The following MEGF9 variants were observed in gnomAD, a reference collection of about 807,000 sequenced individuals.
MEGF9 encodes multiple EGF like domains 9.
A neutral mutation model predicts 46.8 loss-of-function variants in MEGF9; 6 were observed. That is an observed-to-expected ratio of 0.13 (90% CI 0.07 to 0.25). The LOEUF (loss-of-function observed/expected upper bound fraction) is 0.25. Ranked by LOEUF, MEGF9 falls within the 10% of genes least tolerant of loss-of-function variation. MEGF9 has a pLI of 1.00. For missense variants in MEGF9, 683 were observed against 792.4 expected (o/e 0.86, Z 1.66); for synonymous variants, 302 against 330.7 (o/e 0.91, Z 0.94).
chr9:120,685,783 C>T (rs2043819590), intron 1 of MEGF9, among the ~76,000 whole-genome samples: 1 of 152,154 alleles, frequency 6.6e-6, no homozygotes. Flanking sequence ...ACATTCATAG[C>T]AGCACTATTC....
intron 1 of MEGF9, among the ~76,000 whole-genome samples, chr9:120,673,453 T>C (rs956745765): frequency 5.9e-5 from 9 of 152,094 alleles, no homozygotes; most frequent in African/African-American, 1.9e-4. Flanking sequence ...CATGGTGTTA[T>C]TGGTAAAAAG....
At chr9:120,682,490 C>T (rs963869114) in intron 1 of MEGF9, among the ~76,000 whole-genome samples, 1 of 152,086 alleles carries the variant, frequency 6.6e-6, no homozygotes, top group African/African-American at 2.4e-5. Flanking sequence ...AGTGGTATAA[C>T]CTAGGAACTA....
chr9:120,677,203 A>T (rs973794067), intron 1 of MEGF9, among the ~76,000 whole-genome samples: 1 of 151,964 alleles, frequency 6.6e-6, no homozygotes, highest in Non-Finnish European at 1.5e-5. Context: ...ATCACAGCTC[A>T]CCGCAGCCTC....
At chr9:120,649,157 ATTG>A (rs1221665887) in intron 2 of MEGF9, among the ~76,000 whole-genome samples, 1 of 152,184 alleles carries the variant, frequency 6.6e-6, no homozygotes, top group African/African-American at 2.4e-5. Flanking sequence ...TTCATTTTTT[ATTG>A]TTGTACTGTT....
chr9:120,662,218 G>C (rs1023558304), intron 1 of MEGF9, among the ~76,000 whole-genome samples: 1 of 152,058 alleles, frequency 6.6e-6, no homozygotes, highest in African/African-American at 2.4e-5. Flanking sequence ...AAGTTCACTG[G>C]TTATTTATTA....
At chr9:120,638,460 G>A (rs2043588535) in intron 2 of MEGF9, among the ~76,000 whole-genome samples, 1 of 152,146 alleles carries the variant, frequency 6.6e-6, no homozygotes, top group Non-Finnish European at 1.5e-5. Context: ...TTACTGACAG[G>A]GTTGAAGCCT....
At chr9:120,679,664 G>A (rs1218452300) in intron 1 of MEGF9, among the ~76,000 whole-genome samples, 3 of 152,050 alleles carry the variant, frequency 2.0e-5, no homozygotes, top group Admixed American at 6.6e-5. Flanking sequence ...TCTGGCCAGC[G>A]CAGTGGCTCA....
intron 2 of MEGF9, among the ~76,000 whole-genome samples, chr9:120,631,485 G>A (rs1231917172): frequency 1.9e-5 from 2 of 103,280 alleles, no homozygotes; most frequent in Non-Finnish European, 4.1e-5. Context: ...GAATTTGATT[G>A]CATTTTTTTT....
At chr9:120,621,184 A>T (rs758070814) in intron 3 of MEGF9, among the ~76,000 whole-genome samples, 7 of 152,212 alleles carry the variant, frequency 4.6e-5, no homozygotes, top group Non-Finnish European at 1.0e-4. Flanking sequence ...GGTTTGCTGA[A>T]CTTTCTGAAT....
At chr9:120,689,294 A>G (rs1038339449) in intron 1 of MEGF9, among the ~76,000 whole-genome samples, 13 of 152,204 alleles carry the variant, frequency 8.5e-5, no homozygotes, top group African/African-American at 2.9e-4. Flanking sequence ...CATGTGTAAC[A>G]ACATCAAGGC....
At position 120,604,986 on chromosome 9, in the gene MEGF9, A is replaced by C; in HGVS notation, c.*204T>G. 1.7e-6 allele frequency: 1 copy of C among 594,146 alleles called. No individual in the cohort carries two copies. The allele number at this position is 594,146 out of a possible 1,614,324, so 36.8% of individuals were successfully genotyped here. On this transcript the variant is annotated 3_prime_UTR_variant, in exon 6 of 6. Coordinates refer to ENST00000373930, the MANE Select transcript of MEGF9 (RefSeq NM_001080497.3). ...AAAAATATACTTTACTTCAAGTCCT[A>C]ATGACAGTGAACGCTTCAGATCTTC...
intron 3 of MEGF9, among the ~76,000 whole-genome samples, chr9:120,617,689 G>C (rs1273418516): frequency 6.6e-6 from 1 of 152,232 alleles, no homozygotes; most frequent in Non-Finnish European, 1.5e-5. Context: ...ACTAACTGTG[G>C]TGGGGTGGGG....
intron 1 of MEGF9, among the ~76,000 whole-genome samples, chr9:120,673,193 C>T (rs1445015659): frequency 6.6e-6 from 1 of 151,838 alleles, no homozygotes; most frequent in Non-Finnish European, 1.5e-5. Context: ...GACCTTTATG[C>T]TAAAAACTAC....
At chr9:120,681,639 T>A (rs2043799154) in intron 1 of MEGF9, among the ~76,000 whole-genome samples, 1 of 152,096 alleles carries the variant, frequency 6.6e-6, no homozygotes, top group Non-Finnish European at 1.5e-5. Context: ...AATACTAAAA[T>A]AATTAACCAA....
chr9:120,610,954 A>C (rs1231293301), intron 4 of MEGF9, among the ~76,000 whole-genome samples: 1 of 152,186 alleles, frequency 6.6e-6, no homozygotes, highest in Non-Finnish European at 1.5e-5. Flanking sequence ...TGTGCAAAGG[A>C]TCTGAACAGA....
At position 120,602,860 on chromosome 9, in the gene MEGF9, C is replaced by T. The variant is rs778671517; in HGVS notation, c.*2330G>A. The T allele has an allele frequency of 3.3e-5, 5 of 152,098 alleles. No homozygotes were observed. The highest frequency in any genetic ancestry group is 5.9e-5 in the Non-Finnish European group (4 of 68,024). 9.4% of individuals were successfully genotyped at this position (152,098 alleles called of 1,614,324 possible). On this transcript the variant is annotated 3_prime_UTR_variant, in exon 6 of 6. Coordinates refer to ENST00000373930, the MANE Select transcript of MEGF9 (RefSeq NM_001080497.3). ...TCTGTACACACATATGCAGCAACTG[C>T]TAGGGAAAGCAAATTTTCCCTTCCT...
intron 4 of MEGF9, among the ~76,000 whole-genome samples, chr9:120,611,799 G>GGAAA (rs142409519): frequency 1.5e-5 from 2 of 135,066 alleles, no homozygotes; most frequent in Non-Finnish European, 3.2e-5. Flanking sequence ...AGAAAAGAAA[G>GGAAA]GAAAGAAAGA....
At chr9:120,696,993 A>C (rs1205318457) in intron 1 of MEGF9, among the ~76,000 whole-genome samples, 1 of 152,260 alleles carries the variant, frequency 6.6e-6, no homozygotes, top group African/African-American at 2.4e-5. Flanking sequence ...CCTTTGAGTA[A>C]GGAGAGAAGT....
intron 2 of MEGF9, among the ~76,000 whole-genome samples, chr9:120,630,219 A>C (rs905802888): frequency 6.6e-6 from 1 of 152,164 alleles, no homozygotes; most frequent in Non-Finnish European, 1.5e-5. Context: ...CCACTATTCT[A>C]CTTTCTACTT....
Sources: allele counts gnomAD v4.1 joint callset (sites outside exome capture counted in the v4.1 genomes callset), GRCh38; gene constraint gnomAD v4.1.1; transcripts MANE v1.5; gene names NCBI Gene and HGNC (gene_info 2026-07-23, HGNC 2026-07-21).